The following PPP1R14B variants were observed in gnomAD, a reference collection of about 807,000 sequenced individuals.
PPP1R14B encodes protein phosphatase 1 regulatory subunit 14B.
A neutral mutation model predicts 14.7 loss-of-function variants in PPP1R14B; 4 were observed. The ratio of observed to expected loss-of-function variants is 0.27; its 90% confidence interval spans 0.13 to 0.62. The LOEUF is 0.62. PPP1R14B is among the 20% of genes least tolerant of loss of function. The pLI is 0.85. For synonymous variants in PPP1R14B, 76 were observed against 87.3 expected (o/e 0.87, Z 0.72); for missense variants, 138 against 201.5 (o/e 0.68, Z 1.91).
At position 64,244,674 on chromosome 11, in the gene PPP1R14B, C is replaced by A; in HGVS notation, c.*80G>T. ...ATGGCACCAGGCCTGGCCGCAGGGT[C>A]CCCCGGTATTGCTGTTGCTACGAGG... On this transcript the variant is annotated 3_prime_UTR_variant, in exon 4 of 4. Coordinates refer to ENST00000309318, the MANE Select transcript of PPP1R14B (RefSeq NM_138689.3). 2 of 1,591,692 alleles carry A rather than the reference C, an allele frequency of 1.3e-6. No individual in the cohort carries two copies. The highest frequency in any genetic ancestry group is 2.2e-5 in the East Asian group (1 of 44,598).
chr11:64,245,592 C>A (rs1307657488), intron 1 of PPP1R14B: 1 of 375,470 alleles, frequency 2.7e-6, no homozygotes, highest in Non-Finnish European at 4.8e-6. Flanking sequence ...CCCCAACATC[C>A]GGGCCCCCCA....
Position 64,246,626 on chromosome 11 carries a change from G to A in PPP1R14B, c.48C>T (p.Ala16=), listed in dbSNP as rs1323378489. Residue 16 remains alanine, a synonymous_variant, in exon 1 of 4, where the codon GCC becomes GCT. Transcript: ENST00000309318. ...CTGGGCCGCCACTGCCCGGCCCGGG[G>A]GCCGGGGCCGCCAACGCCGCGCCCC... The part of the protein sequence containing the change: ...TAGGAALAAP[A]PGPGSGGPGP... The A allele has an allele frequency of 2.3e-6, 3 of 1,310,530 alleles. No homozygotes were observed. Among genetic ancestry groups the A allele is most frequent in the Non-Finnish European group, 9.8e-7 (1 of 1,023,606 alleles). 81.2% of individuals were successfully genotyped at this position (1,310,530 alleles called of 1,614,324 possible).
In PPP1R14B at chr11:64,244,793, G is replaced by C; in HGVS notation, c.405C>G (p.Ile135Met). 1.2e-6 allele frequency: 2 copies of C among 1,614,100 alleles called. No homozygotes were observed. The highest frequency in any genetic ancestry group is 8.5e-7 in the Non-Finnish European group (1 of 1,180,012). ...GTGTGCTCAGCTTCTGCATGCCCCG[G>C]ATCTTGTCCAGCAGGCCAGAAATGA... is the stretch of plus-strand genomic sequence containing the variant. ...EAFISGLLDK[I>M]RGMQKLSTPQ... The change falls in exon 4 of 4, where the codon ATC (isoleucine) becomes ATG (methionine). Residue 135 changes from isoleucine (I) to methionine (M), a missense_variant. Around this residue, in one of 3 missense-constraint regions of PPP1R14B, gnomAD observed 84 missense variants for 137.5 expected, o/e 0.61. Transcript: ENST00000309318.
In PPP1R14B at chr11:64,244,511, T is replaced by C. The variant is rs2030788067; in HGVS notation, c.*243A>G. 2.5e-6 allele frequency: 3 copies of C among 1,209,538 alleles called. No individual in the cohort carries two copies. The highest frequency in any genetic ancestry group is 6.0e-5 in the Admixed American group (2 of 33,572). The allele number at this position is 1,209,538 out of a possible 1,614,324, so 74.9% of individuals were successfully genotyped here. The stretch of plus-strand genomic sequence containing the variant: ...CACCAAAGGCGTATCCTAGCTTTAT[T>C]AAAGGGCCCGCGCCGCAGAGTCAAT... On this transcript the variant is annotated 3_prime_UTR_variant, in exon 4 of 4. Transcript: ENST00000309318.
chr11:64,244,648 C>T lies in PPP1R14B; in HGVS notation c.*106G>A. 2.0e-6 allele frequency: 3 copies of T among 1,532,186 alleles called. No individual in the cohort carries two copies. Among genetic ancestry groups the T allele is most frequent in the Non-Finnish European group, 1.8e-6 (2 of 1,122,660 alleles). 94.9% of individuals were successfully genotyped at this position (1,532,186 alleles called of 1,614,324 possible). On this transcript the variant is annotated 3_prime_UTR_variant, in exon 4 of 4. Transcript: ENST00000309318. ...GGCCAGGGGCACGAGGAGCCCTGCT[C>T]ATGGCACCAGGCCTGGCCGCAGGGT...
chr11:64,245,398 G>A, intron 1 of PPP1R14B, 111 bp from the exon 2 acceptor site: 1 of 860,532 alleles, frequency 1.2e-6, no homozygotes, highest in South Asian at 1.6e-5. Context: ...CCAGCCCTCT[G>A]CCCAGCAGAC....
Position 64,246,327 on chromosome 11 carries a change from A to C in PPP1R14B, c.258+89T>G. ...GCGCGGGGAAGCAAAGCGCCCTTTG[A>C]CTCCAGTGACAGGCGAGCTCACAGT... On this transcript the variant is annotated intron_variant, in intron 1 of 3. Transcript: ENST00000309318. 1.1e-5 allele frequency: 16 copies of C among 1,511,574 alleles called. No individual in the cohort carries two copies. The South Asian group carries it at 1.7e-4, about 16-fold the overall frequency. The allele number at this position is 1,511,574 out of a possible 1,614,324, so 93.6% of individuals were successfully genotyped here. A position where few individuals can be genotyped will look rare whatever the true frequency, so the allele number is the denominator to read the frequency against.
chr11:64,246,298 GAGCGCGCGGGGAAGCAA>G, intron 1 of PPP1R14B, 101 bp downstream of exon 1: 1 of 1,386,572 alleles, frequency 7.2e-7, no homozygotes, highest in Non-Finnish European at 9.8e-7. Flanking sequence ...GAGGGGAGGG[GAGCGCGCGGGGAAGCAA>G]AGCGCCCTTT....
intron 1 of PPP1R14B, chr11:64,245,838 G>A (rs1591090889): frequency 6.3e-6 from 1 of 158,126 alleles, no homozygotes; most frequent in Non-Finnish European, 1.4e-5. Flanking sequence ...GTAGTCAGCT[G>A]CATTCCAGGG....
At chr11:64,246,121 AG>A (rs1313396007) in intron 1 of PPP1R14B, 3 of 397,276 alleles carry the variant, frequency 7.6e-6, no homozygotes, top group Non-Finnish European at 1.4e-5. Context: ...AGCCCAGGAT[AG>A]CCCCCTTGCC....
In PPP1R14B at chr11:64,244,576, A is replaced by G. The variant is rs1472951046; in HGVS notation, c.*178T>C. 7 of 1,392,446 alleles carry G rather than the reference A, an allele frequency of 5.0e-6. No homozygotes were observed. Among genetic ancestry groups the G allele is most frequent in the Non-Finnish European group, 6.7e-6 (7 of 1,042,808 alleles). The allele number at this position is 1,392,446 out of a possible 1,614,324, so 86.3% of individuals were successfully genotyped here. On this transcript the variant is annotated 3_prime_UTR_variant, in exon 4 of 4. Transcript: ENST00000309318. The stretch of plus-strand genomic sequence containing the variant: ...AGTCCCATCAGTTTAATAACAATAA[A>G]AAACCCCAAAAGTGGAAAACTGAGG...
chr11:64,244,493 G>A lies in PPP1R14B; in HGVS notation c.*261C>T. The A allele has an allele frequency of 9.5e-7, 1 of 1,052,558 alleles. No individual in the cohort carries two copies. The highest frequency in any genetic ancestry group is 2.8e-5 in the East Asian group (1 of 35,466). The allele number at this position is 1,052,558 out of a possible 1,614,324, so 65.2% of individuals were successfully genotyped here. Reference sequence around the variant, plus strand: ...AGCCGAGCCTGTTAGCTGCACCAAAGGCGTATCCTAGCTTTATTAAAGGGC... The same window carrying A: ...AGCCGAGCCTGTTAGCTGCACCAAAAGCGTATCCTAGCTTTATTAAAGGGC... On this transcript the variant is annotated 3_prime_UTR_variant, in exon 4 of 4. Coordinates refer to ENST00000309318, the MANE Select transcript of PPP1R14B (RefSeq NM_138689.3).
rs965994414 is a variant in PPP1R14B, at chr11:64,244,520, C to T, written c.*234G>A. 23 of 1,249,658 alleles carry T rather than the reference C, an allele frequency of 1.8e-5. No homozygotes were observed. In the East Asian group the frequency reaches 1.8e-4, roughly 10 times the overall value. The allele number at this position is 1,249,658 out of a possible 1,614,324, so 77.4% of individuals were successfully genotyped here. ...CGTATCCTAGCTTTATTAAAGGGCC[C>T]GCGCCGCAGAGTCAATATAAAAACA... On this transcript the variant is annotated 3_prime_UTR_variant, in exon 4 of 4. Transcript: ENST00000309318.
At position 64,244,680 on chromosome 11, in the gene PPP1R14B, G is replaced by A. The variant is rs550186993; in HGVS notation, c.*74C>T. 3 of 1,598,804 alleles carry A rather than the reference G, an allele frequency of 1.9e-6. No individual in the cohort carries two copies. The highest frequency in any genetic ancestry group is 1.1e-5 in the South Asian group (1 of 90,552). On this transcript the variant is annotated 3_prime_UTR_variant, in exon 4 of 4. Transcript: ENST00000309318. ...CCAGGCCTGGCCGCAGGGTCCCCCGGTATTGCTGTTGCTACGAGGTTGGGG... is the reference window on the plus strand; with the variant it reads ...CCAGGCCTGGCCGCAGGGTCCCCCGATATTGCTGTTGCTACGAGGTTGGGG...
intron 1 of PPP1R14B, chr11:64,245,652 C>T: frequency 9.0e-6 from 2 of 222,160 alleles, no homozygotes; most frequent in East Asian, 1.1e-4. Flanking sequence ...TCATACCCCC[C>T]TCCCCTCCCC....
intron 1 of PPP1R14B, chr11:64,246,151 C>T (rs1565323915): frequency 4.0e-6 from 2 of 496,034 alleles, no homozygotes; most frequent in Non-Finnish European, 7.2e-6. Context: ...AAGGCTCAGG[C>T]TACCCCTTGA....
rs2030897510 is a variant in PPP1R14B, at chr11:64,246,800, C to G, written c.-127G>C. The G allele has an allele frequency of 2.8e-6, 2 of 722,852 alleles. No homozygotes were observed. The highest frequency in any genetic ancestry group is 1.2e-4 in the South Asian group (2 of 16,230). The allele number at this position is 722,852 out of a possible 1,614,324, so 44.8% of individuals were successfully genotyped here. ...CGCGGCTCCGCGGCGAGGGCGGCGG[C>G]GGGGGCGCCCGGGGGCAGCTGCAGC... is the stretch of plus-strand genomic sequence containing the variant. On this transcript the variant is annotated 5_prime_UTR_variant, in exon 1 of 4. Coordinates refer to ENST00000309318, the MANE Select transcript of PPP1R14B (RefSeq NM_138689.3).
At position 64,246,941 on chromosome 11, in the gene PPP1R14B, C is replaced by T. The variant is rs1407285653; in HGVS notation, c.-268G>A. ...GCAGCCGCCGAAGCGCTTTCTCTGTCTCGCTCTTCCTCCGCCCCCCGACCA... is the reference window on the plus strand; with the variant it reads ...GCAGCCGCCGAAGCGCTTTCTCTGTTTCGCTCTTCCTCCGCCCCCCGACCA... On this transcript the variant is annotated 5_prime_UTR_variant, in exon 1 of 4. Coordinates refer to ENST00000309318, the MANE Select transcript of PPP1R14B (RefSeq NM_138689.3). The T allele has an allele frequency of 3.4e-5, 5 of 148,408 alleles. No homozygotes were observed. Among genetic ancestry groups the T allele is most frequent in the Admixed American group, 6.8e-5 (1 of 14,644 alleles). The allele number at this position is 148,408 out of a possible 1,614,324, so 9.2% of individuals were successfully genotyped here.
Position 64,246,852 on chromosome 11 carries a change from C to G in PPP1R14B, c.-179G>C, listed in dbSNP as rs1192716080. 1.3e-5 allele frequency: 4 copies of G among 301,556 alleles called. No homozygotes were observed. The allele number at this position is 301,556 out of a possible 1,614,324, so 18.7% of individuals were successfully genotyped here. A position where few individuals can be genotyped will look rare whatever the true frequency, so the allele number is the denominator to read the frequency against. On this transcript the variant is annotated 5_prime_UTR_variant, in exon 1 of 4. Transcript: ENST00000309318. ...TGCGGAGCCCCCGGGCTTGGCCTGG[C>G]CGCGCCCCGCCCCCTCCCCGCCGAT...
Sources: allele counts gnomAD v4.1 joint callset, GRCh38; gene constraint gnomAD v4.1.1; regional missense constraint gnomAD v4.1.1; transcripts MANE v1.5; gene names NCBI Gene and HGNC (gene_info 2026-07-23, HGNC 2026-07-21).